The following CRYBG3 variants were observed in gnomAD, a reference collection of about 807,000 sequenced individuals.
CRYBG3 encodes very large A-kinase anchor protein.
In CRYBG3, 127 loss-of-function variants were observed where a neutral mutation model predicts 244.2. That is an observed-to-expected ratio of 0.52 (90% CI 0.45 to 0.60). The LOEUF is 0.60. Among genes scored for constraint, CRYBG3 ranks in the 20% least tolerant of loss-of-function variants. The pLI is 0.00. For synonymous variants in CRYBG3, 1,132 were observed against 1,195.8 expected (o/e 0.95, Z 1.10); for missense variants, 3,325 against 3,442.5 (o/e 0.97, Z 0.85).
intron 2 of CRYBG3, among the ~76,000 whole-genome samples, chr3:97,854,898 G>C (rs1159153727): frequency 6.6e-6 from 1 of 152,028 alleles, no homozygotes; most frequent in Non-Finnish European, 1.5e-5. Context: ...TATTGGATAA[G>C]AGTAGTAAGA....
At chr3:97,824,569 T>C (rs1436728763) in intron 1 of CRYBG3, among the ~76,000 whole-genome samples, 2 of 152,132 alleles carry the variant, frequency 1.3e-5, no homozygotes, top group Non-Finnish European at 2.9e-5. Context: ...TTTTGAACCA[T>C]AGGAAAATCT....
rs116265476 is a variant in CRYBG3, at chr3:97,868,000, G to T, written c.647+3353G>T. ...TTATGTTCTTAAGATTATTTAATTT[G>T]TTGGGCACGGCGGTGGCTCACGCCT... On this transcript the variant is annotated intron_variant, in intron 3 of 21. Coordinates refer to ENST00000389622, the MANE Select transcript of CRYBG3 (RefSeq NM_153605.4). Among the ~76,000 whole-genome samples the T allele has an allele frequency of 3.3e-3, 499 of 152,284 alleles. 2 individuals carry two copies. The highest frequency in any genetic ancestry group is 0.011 in the African/African-American group (477 of 41,576).
At chr3:97,910,418 C>T (rs1335875782) in intron 15 of CRYBG3, among the ~76,000 whole-genome samples, 1 of 150,354 alleles carries the variant, frequency 6.7e-6, no homozygotes, top group East Asian at 1.9e-4. Context: ...GGCGTAGGAC[C>T]CTCCGAGCCA....
rs927759685 is a variant in CRYBG3 at position 97,876,609 on chromosome 3, G to T, written c.5415G>T (p.Val1805=). 4 of 1,234,220 alleles carry T rather than the reference G, an allele frequency of 3.2e-6. No individual in the cohort carries two copies. The highest frequency in any genetic ancestry group is 4.0e-6 in the Non-Finnish European group (4 of 989,470). The allele number at this position is 1,234,220 out of a possible 1,614,324, so 76.5% of individuals were successfully genotyped here. ...VIKNTEIVPC[V]LKVKEAHETA... ...AGAATACTGAAATAGTACCGTGTGT[G>T]TTAAAAGTGAAGGAAGCACACGAGA... The change falls in exon 4 of 22, where the codon GTG becomes GTT. Residue 1805 remains valine, a synonymous_variant. Transcript: ENST00000389622.
intron 2 of CRYBG3, among the ~76,000 whole-genome samples, chr3:97,848,789 G>T (rs376521757): frequency 6.6e-6 from 1 of 152,126 alleles, no homozygotes; most frequent in Non-Finnish European, 1.5e-5. Context: ...TCAGTTTAAC[G>T]TACAGATTTT....
At chr3:97,863,532 A>G (rs1559723208) in intron 2 of CRYBG3, among the ~76,000 whole-genome samples, 1 of 152,082 alleles carries the variant, frequency 6.6e-6, no homozygotes, top group Non-Finnish European at 1.5e-5. Context: ...AGGGGTCACA[A>G]GTGGGCTCTT....
At chr3:97,841,274 GTACATATAGGTGCGTACACCTATATGTA>G (rs1303013091) in intron 1 of CRYBG3, among the ~76,000 whole-genome samples, 1 of 147,816 alleles carries the variant, frequency 6.8e-6, no homozygotes, top group Non-Finnish European at 1.5e-5. Context: ...ACACATATAT[GTACATATAGGTGCGTACACCTATATGTA>G]TATATATGTG....
chr3:97,878,104 G>A (rs772403072), intron 4 of CRYBG3, 67 bp downstream of exon 4: 4 of 1,387,130 alleles, frequency 2.9e-6, no homozygotes, highest in Non-Finnish European at 3.9e-6. Context: ...TTATCTAAAG[G>A]CTTATTAAGA....
At chr3:97,943,021 G>T in intron 21 of CRYBG3, 1 of 540,196 alleles carries the variant, frequency 1.9e-6, no homozygotes, top group Non-Finnish European at 3.2e-6. Context: ...ATACCTTTTA[G>T]TATTTCAATT....
chr3:97,925,711 G>C (rs2040033283), intron 17 of CRYBG3, among the ~76,000 whole-genome samples: 1 of 151,856 alleles, frequency 6.6e-6, no homozygotes, highest in South Asian at 2.1e-4. Context: ...GGGGGTGGTG[G>C]GAGTTTAAAT....
chr3:97,848,449 G>A (rs1169780318), intron 2 of CRYBG3, among the ~76,000 whole-genome samples: 1 of 151,936 alleles, frequency 6.6e-6, no homozygotes, highest in African/African-American at 2.4e-5. Context: ...CTACAGGCAC[G>A]TGCCACCACT....
At chr3:97,903,156 C>G (rs1477830478) in intron 15 of CRYBG3, among the ~76,000 whole-genome samples, 2 of 152,122 alleles carry the variant, frequency 1.3e-5, no homozygotes, top group Non-Finnish European at 2.9e-5. Flanking sequence ...AGAAAAGCAA[C>G]TAGGCGTTTT....
At position 97,877,647 on chromosome 3, in the gene CRYBG3, G is replaced by C; in HGVS notation, c.6453G>C (p.Glu2151Asp). The C allele has an allele frequency of 6.2e-7, 1 of 1,614,050 alleles. No individual in the cohort carries two copies. Among genetic ancestry groups the C allele is most frequent in the Non-Finnish European group, 8.5e-7 (1 of 1,179,960 alleles). ...GAGAGGCAGCTGATGAGGAAGAAGA[G>C]GAGGAGGAGGCAGCAGTATTGCATA... ...DDREAADEEE[E>D]EEEAAVLHKG... Residue 2151 changes from glutamate (E) to aspartate (D), a missense_variant, in exon 4 of 22, where the codon GAG becomes GAC. Around this residue, in one of 4 missense-constraint regions of CRYBG3, gnomAD observed 450 missense variants for 424.1 expected, o/e 1.06. Coordinates refer to ENST00000389622, the MANE Select transcript of CRYBG3 (RefSeq NM_153605.4).
intron 15 of CRYBG3, among the ~76,000 whole-genome samples, chr3:97,911,768 T>A (rs1472281160): frequency 6.6e-6 from 1 of 152,228 alleles, no homozygotes; most frequent in African/African-American, 2.4e-5. Context: ...TAAGCCTCTT[T>A]CAGGTTTAGC....
chr3:97,861,295 G>T (rs2039144237), intron 2 of CRYBG3, among the ~76,000 whole-genome samples: 1 of 152,152 alleles, frequency 6.6e-6, no homozygotes, highest in Admixed American at 6.5e-5. Context: ...TCTATGCAAA[G>T]AAGGTTTCTC....
Position 97,872,803 on chromosome 3 carries a change from G to A in CRYBG3, c.1609G>A (p.Gly537Ser), listed in dbSNP as rs1179738395. 17 of 1,535,770 alleles carry A rather than the reference G, an allele frequency of 1.1e-5. No individual in the cohort carries two copies. In the East Asian group the frequency reaches 3.4e-4, roughly 31 times the overall value. Reference protein sequence around the residue: ...IRRETESASAGESIASSHVKA... With the variant: ...IRRETESASASESIASSHVKA... ...GCGAGAAACAGAAAGTGCCTCAGCT[G>A]GTGAATCCATAGCTTCAAGTCATGT... The change falls in exon 4 of 22, where the codon GGT (glycine) becomes AGT (serine). Residue 537 changes from glycine to serine, a missense_variant. Gly to Ser is a moderately conservative substitution (Grantham distance 56, BLOSUM62 0). This residue lies in a region of CRYBG3 where 1,526 missense variants were observed against 1,443.2 expected (regional missense o/e 1.06). Transcript: ENST00000389622.
At position 97,832,262 on chromosome 3, in the gene CRYBG3, A is replaced by G. The variant is rs369628587; in HGVS notation, c.149+9907A>G. On this transcript the variant is annotated intron_variant, in intron 1 of 21. Coordinates refer to ENST00000389622, the MANE Select transcript of CRYBG3 (RefSeq NM_153605.4). ...AAAAAAAAGAGCCCATATAGCCAAG[A>G]CAATCCTAAGGAAAAAGAAGAAAGC... Among the ~76,000 whole-genome samples, 12 of 151,516 alleles carry G rather than the reference A, an allele frequency of 7.9e-5. No individual in the cohort carries two copies. In the East Asian group the frequency reaches 1.7e-3, roughly 22 times the overall value.
chr3:97,919,505 A>G (rs2039961043), intron 17 of CRYBG3, among the ~76,000 whole-genome samples: 1 of 152,096 alleles, frequency 6.6e-6, no homozygotes, highest in African/African-American at 2.4e-5. Flanking sequence ...AACATGGTGA[A>G]TGGGTTTCTA....
rs759820379 is a variant in CRYBG3 at position 97,941,314 on chromosome 3, A to G, written c.8664+8A>G. The G allele has an allele frequency of 1.9e-6, 3 of 1,600,392 alleles. No individual in the cohort carries two copies. Among genetic ancestry groups the G allele is most frequent in the East Asian group, 2.2e-5 (1 of 44,538 alleles). On this transcript the variant is annotated splice_region_variant and intron_variant, in intron 20 of 21. Coordinates refer to ENST00000389622, the MANE Select transcript of CRYBG3 (RefSeq NM_153605.4). ...GGACTCTTTAAATCCAAGGTAAGCAATCCCACTGATACAGTATGCCACTTT... is the reference window on the plus strand; with the variant it reads ...GGACTCTTTAAATCCAAGGTAAGCAGTCCCACTGATACAGTATGCCACTTT...
Sources: gnomAD v4.1 joint callset for allele counts (sites outside exome capture counted in the v4.1 genomes callset) on GRCh38, gnomAD v4.1.1 for gene constraint, gnomAD v4.1.1 regional missense constraint, MANE v1.5 for transcripts, NCBI Gene and HGNC (gene_info 2026-07-23, HGNC 2026-07-21) for gene names.